ZNF277: variants seen among roughly 807,000 people sequenced by gnomAD.
The protein encoded by ZNF277 is zinc finger protein 277.
In ZNF277, 55 loss-of-function variants were observed where a neutral mutation model predicts 60.7. The observed-to-expected ratio is 0.91, with a 90% CI of 0.73 to 1.13. ZNF277 has a LOEUF of 1.13. Among genes scored for constraint, ZNF277 ranks in the 50% most tolerant of loss-of-function variants. ZNF277 has a pLI of 0.00. For missense variants in ZNF277, 510 were observed against 523.0 expected (o/e 0.98, Z 0.24); for synonymous variants, 178 against 179.3 (o/e 0.99, Z 0.06).
intron 4 of ZNF277, among the ~76,000 whole-genome samples, chr7:112,312,237 C>T (rs1228421628): frequency 2.0e-5 from 3 of 152,042 alleles, no homozygotes; most frequent in African/African-American, 7.2e-5. Context: ...TTTTTCTATG[C>T]ATCAGAGCTT....
At chr7:112,244,919 T>C (rs1791048597) in intron 1 of ZNF277, among the ~76,000 whole-genome samples, 1 of 152,192 alleles carries the variant, frequency 6.6e-6, no homozygotes, top group Non-Finnish European at 1.5e-5. Flanking sequence ...TTATGAACGG[T>C]TTTCACAAAT....
rs77852977 is a variant in ZNF277, at chr7:112,298,071, G to A, written c.465+1760G>A. Among the ~76,000 whole-genome samples, 1,445 of 152,274 alleles carry A rather than the reference G, an allele frequency of 9.5e-3. 18 individuals carry two copies. The highest frequency in any genetic ancestry group is 0.032 in the African/African-American group (1,347 of 41,558). ...AAAGGCAATCAATCCATACATGCTC[G>A]TTGAATTTCTGCTTAAGTAGATGCC... is the stretch of plus-strand genomic sequence containing the variant. On this transcript the variant is annotated intron_variant, in intron 4 of 11. Coordinates refer to ENST00000361822, the MANE Select transcript of ZNF277 (RefSeq NM_021994.3).
intron 4 of ZNF277, among the ~76,000 whole-genome samples, chr7:112,311,869 C>A (rs947162857): frequency 2.0e-5 from 3 of 152,108 alleles, no homozygotes; most frequent in Non-Finnish European, 2.9e-5. Context: ...AAGAAGGATG[C>A]ACAGAATTTA....
intron 4 of ZNF277, among the ~76,000 whole-genome samples, chr7:112,301,703 C>T (rs770355630): frequency 3.9e-5 from 6 of 152,176 alleles, no homozygotes; most frequent in Non-Finnish European, 7.3e-5. Context: ...TTAATGACCT[C>T]TTCTAAGTTC....
At chr7:112,306,211 T>TC (rs1491224885) in intron 4 of ZNF277, among the ~76,000 whole-genome samples, 1 of 139,854 alleles carries the variant, frequency 7.2e-6, no homozygotes, top group Non-Finnish European at 1.5e-5. Context: ...TTCTGAATGT[T>TC]CTTTTTTTTT....
intron 1 of ZNF277, among the ~76,000 whole-genome samples, chr7:112,260,273 T>C (rs1262910730): frequency 1.3e-5 from 2 of 152,136 alleles, no homozygotes; most frequent in Non-Finnish European, 2.9e-5. Context: ...CTCAAAAAAC[T>C]GCTTCTACAG....
intron 2 of ZNF277, chr7:112,288,446 A>G (rs1285607934): frequency 6.6e-6 from 1 of 152,174 alleles, no homozygotes; most frequent in East Asian, 1.9e-4. Flanking sequence ...AAGCTGTATT[A>G]TTAAGAGCTG....
intron 4 of ZNF277, among the ~76,000 whole-genome samples, chr7:112,297,462 A>C (rs1404762984): frequency 1.3e-5 from 2 of 152,206 alleles, no homozygotes; most frequent in Non-Finnish European, 2.9e-5. Context: ...GAGATCAAGG[A>C]GAAAAATAAA....
At chr7:112,212,417 G>GT (rs1821776048) in intron 1 of ZNF277, among the ~76,000 whole-genome samples, 1 of 152,204 alleles carries the variant, frequency 6.6e-6, no homozygotes, top group Non-Finnish European at 1.5e-5. Flanking sequence ...TAAAAGCTGT[G>GT]TAACATAGGT....
chr7:112,212,874 G>A (rs139884250), intron 1 of ZNF277, among the ~76,000 whole-genome samples: 1,849 of 151,998 alleles, frequency 0.012, 22 homozygotes, highest in African/African-American at 0.032. Context: ...CTCCCCACCC[G>A]CACACACACA....
chr7:112,323,117 C>T (rs895039547), intron 5 of ZNF277, among the ~76,000 whole-genome samples: 3 of 152,214 alleles, frequency 2.0e-5, no homozygotes, highest in Admixed American at 6.5e-5. Flanking sequence ...GTTTAGCCTC[C>T]ACTTCTTGCT....
chr7:112,241,395 C>A (rs1297068414), intron 1 of ZNF277, among the ~76,000 whole-genome samples: 3 of 152,098 alleles, frequency 2.0e-5, no homozygotes, highest in African/African-American at 7.2e-5. Flanking sequence ...AAGGGGAGCT[C>A]TCGTACACTG....
chr7:112,337,051 A>G (rs1432434747), intron 8 of ZNF277, among the ~76,000 whole-genome samples: 2 of 152,170 alleles, frequency 1.3e-5, no homozygotes, highest in African/African-American at 4.8e-5. Flanking sequence ...TGAGCTTGCC[A>G]TGAAAAATTC....
chr7:112,269,201 ATT>A (rs1309246236), intron 1 of ZNF277, among the ~76,000 whole-genome samples: 5 of 72,106 alleles, frequency 6.9e-5, no homozygotes, highest in South Asian at 1.3e-3. Flanking sequence ...AATACAATGG[ATT>A]TTTTTTGTTT....
In ZNF277 at chr7:112,342,547, G is replaced by A. The variant is rs1298660211; in HGVS notation, c.1185-14G>A. 1.3e-6 allele frequency: 2 copies of A among 1,596,348 alleles called. No homozygotes were observed. Among genetic ancestry groups the A allele is most frequent in the Admixed American group, 1.7e-5 (1 of 58,090 alleles). ...CTTGGTAATTTAATACTATGTATCT[G>A]TGGTTGTTTTCAGGTATTATTTTCC... On this transcript the variant is annotated splice_polypyrimidine_tract_variant and intron_variant, in intron 11 of 11. Coordinates refer to ENST00000361822, the MANE Select transcript of ZNF277 (RefSeq NM_021994.3).
chr7:112,213,691 G>T (rs1311660214), intron 1 of ZNF277, among the ~76,000 whole-genome samples: 1 of 152,180 alleles, frequency 6.6e-6, no homozygotes, highest in Non-Finnish European at 1.5e-5. Context: ...TTTATCCTAT[G>T]CACGGTTGTA....
In ZNF277 at chr7:112,308,868, G is replaced by T. The variant is rs190903588; in HGVS notation, c.466-9314G>T. On this transcript the variant is annotated intron_variant, in intron 4 of 11. Coordinates refer to ENST00000361822, the MANE Select transcript of ZNF277 (RefSeq NM_021994.3). Reference sequence around the variant, plus strand: ...AAGACCCAAAGAAATGGACACCTGTGCATTTTTCTGCTAAATTTGATGAAG... The same window carrying T: ...AAGACCCAAAGAAATGGACACCTGTTCATTTTTCTGCTAAATTTGATGAAG... 1.6e-3 allele frequency among the ~76,000 whole-genome samples: 236 copies of T among 152,206 alleles called. 4 individuals are homozygous for T. Among genetic ancestry groups the T allele is most frequent in the Non-Finnish European group, 2.7e-3 (183 of 68,008 alleles).
intron 1 of ZNF277, among the ~76,000 whole-genome samples, chr7:112,259,428 C>T (rs1264965442): frequency 2.6e-5 from 4 of 152,076 alleles, no homozygotes; most frequent in Non-Finnish European, 5.9e-5. Flanking sequence ...TAGAGTGCCA[C>T]GACCCCCAAA....
At chr7:112,215,543 AAG>A (rs1438617424) in intron 1 of ZNF277, among the ~76,000 whole-genome samples, 5 of 152,226 alleles carry the variant, frequency 3.3e-5, no homozygotes, top group Non-Finnish European at 7.3e-5. Flanking sequence ...CGGAGCTAAT[AAG>A]AGAGTCTCTT....
Sources: allele counts gnomAD v4.1 joint callset (sites outside exome capture counted in the v4.1 genomes callset), GRCh38; gene constraint gnomAD v4.1.1; transcripts MANE v1.5; gene names NCBI Gene and HGNC (gene_info 2026-07-23, HGNC 2026-07-21).